ROBO2: variants seen among roughly 807,000 people sequenced by gnomAD.
ROBO2 encodes the protein roundabout guidance receptor 2.
In ROBO2, 53 loss-of-function variants were observed where a neutral mutation model predicts 160.8. The ratio of observed to expected loss-of-function variants is 0.33; its 90% CI spans 0.26 to 0.41. The LOEUF is 0.41. Among genes scored for constraint, ROBO2 ranks in the 10% least tolerant of loss-of-function variants. ROBO2 has a pLI of 1.00. For synonymous variants in ROBO2, 664 were observed against 611.7 expected, an observed-to-expected ratio of 1.09 and a Z score of -1.26; for missense variants, 1,577 against 1,722.4, an observed-to-expected ratio of 0.92 and a Z score of 1.49.
At chr3:76,961,174 A>G (rs907241555) in intron 2 of ROBO2, among the ~76,000 whole-genome samples, 1 of 150,406 alleles carries the variant, frequency 6.6e-6, no homozygotes. Flanking sequence ...TTGTTGAAAG[A>G]CAGACCCTGC....
intron 2 of ROBO2, among the ~76,000 whole-genome samples, chr3:77,121,942 T>G (rs540197845): frequency 6.6e-6 from 1 of 152,252 alleles, no homozygotes; most frequent in African/African-American, 2.4e-5. Flanking sequence ...TTGAGGAAAT[T>G]TAATGGCAGG....
chr3:76,834,062 T>TTTTCTTTTCTTTCTTTC (rs1553651247), intron 2 of ROBO2, among the ~76,000 whole-genome samples: 5 of 88,010 alleles, frequency 5.7e-5, no homozygotes, highest in Non-Finnish European at 1.1e-4. Flanking sequence ...CCTTTCTTTC[T>TTTTCTTTTCTTTCTTTC]TTTCTTTCTT....
At chr3:76,581,795 G>A (rs1276167362) in intron 2 of ROBO2, among the ~76,000 whole-genome samples, 4 of 152,120 alleles carry the variant, frequency 2.6e-5, no homozygotes, top group African/African-American at 9.7e-5. Flanking sequence ...TTAACTGAAA[G>A]AGGAAAAAAG....
intron 2 of ROBO2, among the ~76,000 whole-genome samples, chr3:76,228,552 T>C (rs1483527420): frequency 6.6e-6 from 1 of 152,216 alleles, no homozygotes; most frequent in Non-Finnish European, 1.5e-5. Flanking sequence ...AGAAAATGAA[T>C]GAATTCATAT....
intron 2 of ROBO2, among the ~76,000 whole-genome samples, chr3:75,952,680 C>T (rs1422427182): frequency 6.6e-6 from 1 of 151,940 alleles, no homozygotes; most frequent in African/African-American, 2.4e-5. Context: ...TACTCCTTGT[C>T]TTATGCATTC....
intron 2 of ROBO2, among the ~76,000 whole-genome samples, chr3:76,147,551 G>T (rs1184616542): frequency 6.6e-6 from 1 of 151,944 alleles, no homozygotes; most frequent in African/African-American, 2.4e-5. Flanking sequence ...GAACCATTCA[G>T]CAACCCCCAA....
intron 2 of ROBO2, among the ~76,000 whole-genome samples, chr3:76,970,931 C>T (rs1439399500): frequency 6.6e-6 from 1 of 152,072 alleles, no homozygotes; most frequent in South Asian, 2.1e-4. Context: ...TTATTTTCAT[C>T]TTATGAGCAA....
At chr3:76,260,718 G>A (rs1706688164) in intron 2 of ROBO2, among the ~76,000 whole-genome samples, 1 of 152,074 alleles carries the variant, frequency 6.6e-6, no homozygotes, top group Non-Finnish European at 1.5e-5. Context: ...CAGTAAGAGA[G>A]CACAGTTAGT....
At chr3:76,812,909 A>ATTTTTTTTTTTTTTTTTTT (rs71104626) in intron 2 of ROBO2, among the ~76,000 whole-genome samples, 5 of 104,656 alleles carry the variant, frequency 4.8e-5, no homozygotes, top group African/African-American at 1.8e-4. Flanking sequence ...AGAAGTATAA[A>ATTTTTTTTTTTTTTTTTTT]TTTTTTTTTT....
At chr3:77,166,547 GA>G (rs1486187426) in intron 2 of ROBO2, among the ~76,000 whole-genome samples, 1 of 151,450 alleles carries the variant, frequency 6.6e-6, no homozygotes, top group Non-Finnish European at 1.5e-5. Flanking sequence ...TAATGACACA[GA>G]AGTGTTTTTT....
intron 23 of ROBO2, among the ~76,000 whole-genome samples, chr3:77,622,799 T>C (rs2153706373): frequency 6.6e-6 from 1 of 152,318 alleles, no homozygotes; most frequent in Non-Finnish European, 1.5e-5. Flanking sequence ...AATGCAATCT[T>C]AAAATGCTTC....
At chr3:76,794,652 C>T (rs1332777927) in intron 2 of ROBO2, among the ~76,000 whole-genome samples, 1 of 151,948 alleles carries the variant, frequency 6.6e-6, no homozygotes, top group Non-Finnish European at 1.5e-5. Flanking sequence ...AAATTTATTA[C>T]AGCTTTATTA....
At chr3:76,218,805 A>G (rs1703747238) in intron 2 of ROBO2, among the ~76,000 whole-genome samples, 1 of 152,204 alleles carries the variant, frequency 6.6e-6, no homozygotes, top group African/African-American at 2.4e-5. Flanking sequence ...CAGAATTGGA[A>G]AAAACTACTT....
chr3:77,647,824 T>C (rs1024431833), exon 26 of ROBO2: 3 of 152,150 alleles, frequency 2.0e-5, no homozygotes, highest in Non-Finnish European at 2.9e-5. Flanking sequence ...CCCCTTTGAG[T>C]GACAATTCGC....
At chr3:76,556,554 G>C (rs908543524) in intron 2 of ROBO2, among the ~76,000 whole-genome samples, 6 of 151,986 alleles carry the variant, frequency 3.9e-5, no homozygotes, top group African/African-American at 1.4e-4. Flanking sequence ...AAAAAGAATG[G>C]GTGGTATTTG....
intron 2 of ROBO2, among the ~76,000 whole-genome samples, chr3:76,316,705 A>G (rs1180265390): frequency 6.6e-6 from 1 of 152,214 alleles, no homozygotes; most frequent in Non-Finnish European, 1.5e-5. Flanking sequence ...GAACTGATAA[A>G]TGTCTATGAA....
chr3:76,080,400 G>A (rs1435297433), intron 2 of ROBO2, among the ~76,000 whole-genome samples: 1 of 152,112 alleles, frequency 6.6e-6, no homozygotes, highest in Non-Finnish European at 1.5e-5. Context: ...CAACTTGTGC[G>A]GGACTTCGGG....
intron 1 of ROBO2, among the ~76,000 whole-genome samples, chr3:75,914,250 C>T (rs9310351): frequency 0.83 from 126,249 of 152,110 alleles, 52,476 homozygotes; most frequent in East Asian, 0.93. Context: ...TATTATCTGA[C>T]CATAGTATCA....
chr3:76,492,951 A>G (rs1338599016), intron 2 of ROBO2, among the ~76,000 whole-genome samples: 3 of 152,198 alleles, frequency 2.0e-5, no homozygotes, highest in African/African-American at 7.2e-5. Flanking sequence ...TACATTGGTT[A>G]TAATTACATT....
Sources: allele counts gnomAD v4.1 joint callset (sites outside exome capture counted in the v4.1 genomes callset), GRCh38; gene constraint gnomAD v4.1.1; transcripts MANE v1.5; gene names NCBI Gene and HGNC (gene_info 2026-07-23, HGNC 2026-07-21).